The following BTBD1 variants were observed in gnomAD, a reference collection of about 807,000 sequenced individuals.
The protein encoded by BTBD1 is BTB domain containing 1.
BTBD1 carries 34 observed loss-of-function variants against 48.0 expected under a neutral mutation model. That is an observed-to-expected ratio of 0.71 (90% CI 0.54 to 0.94). The LOEUF (loss-of-function observed/expected upper bound fraction) is 0.94. Ranked by LOEUF, BTBD1 falls within the 40% of genes least tolerant of loss-of-function variation. BTBD1 has a pLI of 0.00. For missense variants in BTBD1, 543 were observed against 625.6 expected (o/e 0.87, Z 1.41); for synonymous variants, 261 against 242.1 (o/e 1.08, Z -0.72).
At chr15:83,062,411 A>C (rs1468514892) in intron 1 of BTBD1, among the ~76,000 whole-genome samples, 2 of 152,230 alleles carry the variant, frequency 1.3e-5, no homozygotes. Flanking sequence ...AGCTAGGCCC[A>C]TGAAGTCATT....
intron 3 of BTBD1, among the ~76,000 whole-genome samples, chr15:83,049,117 C>G (rs2032932632): frequency 6.6e-6 from 1 of 152,150 alleles, no homozygotes; most frequent in African/African-American, 2.4e-5. Flanking sequence ...TCCACTTATT[C>G]CAGTTCAGAG....
At position 83,045,262 on chromosome 15, in the gene BTBD1, G is replaced by A. The variant is rs1488909888; in HGVS notation, c.665-3337C>T. Among the ~76,000 whole-genome samples the A allele has an allele frequency of 6.6e-5, 10 of 152,122 alleles. No individual in the cohort carries two copies. In the South Asian group the frequency reaches 8.3e-4, roughly 13 times the overall value. ...TGTAATCCCAGCACTTTGGGAGGCC[G>A]AGGAGAGTGATCACCTGAGGTCAGG... is the stretch of plus-strand genomic sequence containing the variant. On this transcript the variant is annotated intron_variant, in intron 3 of 7. Transcript: ENST00000261721.
intron 1 of BTBD1, among the ~76,000 whole-genome samples, chr15:83,063,075 T>C (rs2033201728): frequency 1.3e-5 from 2 of 152,188 alleles, no homozygotes; most frequent in Admixed American, 6.5e-5. Flanking sequence ...ATAGTTGACA[T>C]TTCCCACTTC....
chr15:83,048,244 GA>G (rs989832321), intron 3 of BTBD1, among the ~76,000 whole-genome samples: 13 of 152,172 alleles, frequency 8.5e-5, no homozygotes, highest in African/African-American at 2.9e-4. Flanking sequence ...AAGGAAGACT[GA>G]AAACAGTTGG....
chr15:83,063,333 C>G (rs1278216280), intron 1 of BTBD1, among the ~76,000 whole-genome samples: 2 of 152,152 alleles, frequency 1.3e-5, no homozygotes, highest in South Asian at 2.1e-4. Flanking sequence ...GTTCAGCAAG[C>G]TGTTCCCTCA....
intron 1 of BTBD1, among the ~76,000 whole-genome samples, chr15:83,058,014 G>A (rs1385673018): frequency 6.6e-6 from 1 of 152,218 alleles, no homozygotes; most frequent in African/African-American, 2.4e-5. Flanking sequence ...AGCAGTCCCA[G>A]TTCTTCTCAG....
Position 83,067,079 on chromosome 15 carries a change from G to A in BTBD1, c.73C>T (p.Pro25Ser), listed in dbSNP as rs2033295151. The A allele has an allele frequency of 1.3e-6, 2 of 1,534,034 alleles. No homozygotes were observed. Among genetic ancestry groups the A allele is most frequent in the Non-Finnish European group, 1.7e-6 (2 of 1,146,418 alleles). The stretch of plus-strand genomic sequence containing the variant: ...GAGGACGGTGAGGGCGGCGGCGGCG[G>A]CCCCGCGGGGCCCGGCTCCGCCTCA... ...GAEAEPGPAG[P>S]PPPPSPSSLG... Residue 25 changes from proline to serine, a missense_variant, in exon 1 of 8, where the codon CCG (proline) becomes TCG (serine). By Grantham distance (74) the Pro-to-Ser change is moderately conservative. This residue lies in a region of BTBD1 where 173 missense variants were observed against 163.9 expected (regional missense o/e 1.06). Transcript: ENST00000261721.
chr15:83,030,086 T>A (rs768859339), intron 5 of BTBD1, 50 bp downstream of exon 5: 3 of 1,515,760 alleles, frequency 2.0e-6, no homozygotes, highest in South Asian at 2.3e-5. Flanking sequence ...AAAGGCCAAA[T>A]GGTAACTGCT....
intron 1 of BTBD1, among the ~76,000 whole-genome samples, chr15:83,057,459 A>G (rs2151313432): frequency 6.6e-6 from 1 of 152,298 alleles, no homozygotes; most frequent in Non-Finnish European, 1.5e-5. Flanking sequence ...GCCTCAGTAA[A>G]TATTAGCTAT....
In BTBD1 at chr15:83,017,296, G is replaced by C. The variant is rs2032189345; in HGVS notation, c.*771C>G. 6.6e-6 allele frequency: 1 copy of C among 152,568 alleles called. No homozygotes were observed. The allele number at this position is 152,568 out of a possible 1,614,324, so 9.5% of individuals were successfully genotyped here. A position where few individuals can be genotyped will look rare whatever the true frequency, so the allele number is the denominator to read the frequency against. On this transcript the variant is annotated 3_prime_UTR_variant, in exon 8 of 8. Transcript: ENST00000261721. ...TCATCACCGTCATCATCTCAATCTT[G>C]GGAATCATCAGCAGTGTCCCCCACA...
At position 83,017,950 on chromosome 15, in the gene BTBD1, T is replaced by C; in HGVS notation, c.*117A>G. ...TTTTTCTATCTGCTCTAAGAAACTG[T>C]TTCTTATCTTACAATTTTAAATATT... On this transcript the variant is annotated 3_prime_UTR_variant, in exon 8 of 8. Transcript: ENST00000261721. The C allele has an allele frequency of 1.7e-6, 1 of 605,910 alleles. No homozygotes were observed. The allele number at this position is 605,910 out of a possible 1,614,324, so 37.5% of individuals were successfully genotyped here. A position where few individuals can be genotyped will look rare whatever the true frequency, so the allele number is the denominator to read the frequency against.
intron 1 of BTBD1, among the ~76,000 whole-genome samples, chr15:83,059,262 T>C (rs1256361045): frequency 6.6e-6 from 1 of 152,162 alleles, no homozygotes; most frequent in Non-Finnish European, 1.5e-5. Context: ...TAAAACAAAG[T>C]TGGCCGGGCA....
rs1246931458 is a variant in BTBD1 at position 83,020,783 on chromosome 15, AT to A, written c.1056-22del. The A allele has an allele frequency of 2.1e-6, 3 of 1,404,154 alleles. No homozygotes were observed. In the African/African-American group the frequency reaches 4.3e-5, roughly 20 times the overall value. The allele number at this position is 1,404,154 out of a possible 1,614,324, so 87.0% of individuals were successfully genotyped here. A position where few individuals can be genotyped will look rare whatever the true frequency, so the allele number is the denominator to read the frequency against. On this transcript the variant is annotated intron_variant, in intron 5 of 7. Transcript: ENST00000261721. ...TGAATCTGAGAGAAAGAAGCCAAAA[AT>A]AAAATATAATTAATCCCATGTGTTC...
chr15:83,048,770 G>A lies in BTBD1; in HGVS notation c.664+1303C>T, dbSNP rs187629033. ...TTTCTGGTCACAAAAATACCACCAA[G>A]CTTCTAAATAAAGACTCAAAGCACT... On this transcript the variant is annotated intron_variant, in intron 3 of 7. Coordinates refer to ENST00000261721, the MANE Select transcript of BTBD1 (RefSeq NM_025238.4). Among the ~76,000 whole-genome samples the A allele has an allele frequency of 2.0e-5, 3 of 152,246 alleles. No individual in the cohort carries two copies. In the East Asian group the frequency reaches 5.8e-4, roughly 29 times the overall value.
intron 4 of BTBD1, among the ~76,000 whole-genome samples, chr15:83,032,977 A>AAAACAAAAAAAAC: frequency 6.7e-6 from 1 of 149,542 alleles, no homozygotes; most frequent in Non-Finnish European, 1.5e-5. Flanking sequence ...CTCAAAAAAA[A>AAAACAAAAAAAAC]AAAAAAAAAA....
rs753632356 is a variant in BTBD1 at position 83,041,829 on chromosome 15, C to G, written c.761G>C (p.Arg254Thr). 2 of 1,614,068 alleles carry G rather than the reference C, an allele frequency of 1.2e-6. No individual in the cohort carries two copies. The highest frequency in any genetic ancestry group is 1.7e-6 in the Non-Finnish European group (2 of 1,180,038). Reference protein sequence around the residue: ...VVRWAEAECQRQQLPVTFGNK... With the variant: ...VVRWAEAECQTQQLPVTFGNK... ...CCCAAAAGTCACAGGTAATTGTTGT[C>G]TCTGACATTCTGCTTCTGCCCAGCG... is the stretch of plus-strand genomic sequence containing the variant. Residue 254 changes from arginine (R) to threonine (T), a missense_variant, in exon 4 of 8, where the codon AGA becomes ACA. Around this residue, in one of 3 missense-constraint regions of BTBD1, gnomAD observed 300 missense variants for 350.0 expected, o/e 0.86. Transcript: ENST00000261721.
chr15:83,054,562 T>C (rs957488901), intron 2 of BTBD1, among the ~76,000 whole-genome samples: 1 of 139,402 alleles, frequency 7.2e-6, no homozygotes, highest in Non-Finnish European at 1.6e-5. Flanking sequence ...AAACATTTTT[T>C]CTTTTTTTTT....
rs554035744 is a variant in BTBD1, at chr15:83,041,662, C to G, written c.862+66G>C. 2.0e-3 allele frequency: 2,977 copies of G among 1,494,258 alleles called. 2 individuals are homozygous for G. The highest frequency in any genetic ancestry group is 2.4e-3 in the Non-Finnish European group (2,592 of 1,074,764). 92.6% of individuals were successfully genotyped at this position (1,494,258 alleles called of 1,614,324 possible). A position where few individuals can be genotyped will look rare whatever the true frequency, so the allele number is the denominator to read the frequency against. ...GTGCTGGGATTATAGGTGTGAGCCACCAGGCCCAGCCCTGACAGACTATTA... is the reference window on the plus strand; with the variant it reads ...GTGCTGGGATTATAGGTGTGAGCCAGCAGGCCCAGCCCTGACAGACTATTA... On this transcript the variant is annotated intron_variant, in intron 4 of 7. Coordinates refer to ENST00000261721, the MANE Select transcript of BTBD1 (RefSeq NM_025238.4).
At chr15:83,034,650 A>G (rs1033819622) in intron 4 of BTBD1, among the ~76,000 whole-genome samples, 1 of 152,134 alleles carries the variant, frequency 6.6e-6, no homozygotes, top group Non-Finnish European at 1.5e-5. Context: ...CAATAAGTTT[A>G]GATTTAAGAT....
Sources: allele counts gnomAD v4.1 joint callset (sites outside exome capture counted in the v4.1 genomes callset), GRCh38; gene constraint gnomAD v4.1.1; regional missense constraint gnomAD v4.1.1; transcripts MANE v1.5; gene names NCBI Gene and HGNC (gene_info 2026-07-23, HGNC 2026-07-21).